RBFOX1: variants seen among roughly 807,000 people sequenced by gnomAD.
RBFOX1 encodes RNA binding fox-1 homolog 1.
In RBFOX1, 8 loss-of-function variants were observed where a neutral mutation model predicts 57.7. That is an observed-to-expected ratio of 0.14 (90% confidence interval 0.08 to 0.25). The LOEUF (loss-of-function observed/expected upper bound fraction) is 0.25, where lower values mean the gene tolerates loss of function less well. Ranked by LOEUF, RBFOX1 falls within the 10% of genes least tolerant of loss-of-function variation. The pLI, the probability that RBFOX1 is intolerant of heterozygous loss-of-function variation, is 1.00. For missense variants in RBFOX1, 611 were observed against 548.5 expected (o/e 1.11, Z -1.14); for synonymous variants, 326 against 222.4 (o/e 1.47, Z -4.15).
intron 1 of RBFOX1, among the ~76,000 whole-genome samples, chr16:6,301,599 G>A (rs888009275): frequency 7.9e-5 from 12 of 152,068 alleles, no homozygotes; most frequent in South Asian, 4.1e-4. Flanking sequence ...AAGGCTACCC[G>A]TGTCTGAGGA....
At chr16:7,388,020 C>T (rs571700998) in intron 4 of RBFOX1, among the ~76,000 whole-genome samples, 2 of 151,674 alleles carry the variant, frequency 1.3e-5, no homozygotes, top group Middle Eastern at 3.4e-3. Context: ...CAAAACAAAA[C>T]AAAATATCCT....
chr16:7,151,123 C>T (rs1226514532), intron 4 of RBFOX1, among the ~76,000 whole-genome samples: 1 of 152,128 alleles, frequency 6.6e-6, no homozygotes, highest in Non-Finnish European at 1.5e-5. Flanking sequence ...CTCCAACCAG[C>T]AATGTCCTAT....
At chr16:6,823,003 T>G (rs1228732683) in intron 3 of RBFOX1, among the ~76,000 whole-genome samples, 1 of 152,096 alleles carries the variant, frequency 6.6e-6, no homozygotes, top group Non-Finnish European at 1.5e-5. Context: ...GTAGATACTT[T>G]GCTTAGTACT....
chr16:5,660,275 C>T (rs2049602028), intron 3 of RBFOX1, among the ~76,000 whole-genome samples: 1 of 152,126 alleles, frequency 6.6e-6, no homozygotes, highest in Non-Finnish European at 1.5e-5. Context: ...GAATTTGGTG[C>T]AAACCCTAGA....
intron 4 of RBFOX1, among the ~76,000 whole-genome samples, chr16:7,224,040 G>T (rs1476314934): frequency 2.1e-5 from 3 of 141,824 alleles, no homozygotes; most frequent in African/African-American, 7.9e-5. Context: ...TTGTATTTAT[G>T]ACCTTTGGGA....
At chr16:5,429,203 C>T (rs2067655431) in intron 1 of RBFOX1, among the ~76,000 whole-genome samples, 1 of 152,178 alleles carries the variant, frequency 6.6e-6, no homozygotes, top group African/African-American at 2.4e-5. Context: ...ATGATCTATC[C>T]ACAGTAATCT....
At chr16:6,786,809 A>G (rs981031399) in intron 3 of RBFOX1, among the ~76,000 whole-genome samples, 1 of 152,224 alleles carries the variant, frequency 6.6e-6, no homozygotes, top group Non-Finnish European at 1.5e-5. Context: ...ATCGAGGGTC[A>G]TGGTCACAAT....
intron 1 of RBFOX1, among the ~76,000 whole-genome samples, chr16:5,256,233 T>A (rs898034036): frequency 2.0e-5 from 3 of 152,132 alleles, no homozygotes; most frequent in African/African-American, 7.2e-5. Flanking sequence ...GGGTAGTAGT[T>A]GGAGATCCCA....
At chr16:7,535,809 G>C (rs1440860816) in intron 5 of RBFOX1, among the ~76,000 whole-genome samples, 1 of 152,112 alleles carries the variant, frequency 6.6e-6, no homozygotes, top group East Asian at 1.9e-4. Context: ...ACTTTTTGAG[G>C]GTACCACTGT....
At chr16:7,434,938 C>T (rs1268997069) in intron 4 of RBFOX1, among the ~76,000 whole-genome samples, 2 of 152,088 alleles carry the variant, frequency 1.3e-5, no homozygotes, top group African/African-American at 2.4e-5. Context: ...TGGGGTTTCA[C>T]CGTGTTGGTG....
At chr16:6,745,704 A>T (rs1458001579) in intron 3 of RBFOX1, among the ~76,000 whole-genome samples, 2 of 152,234 alleles carry the variant, frequency 1.3e-5, no homozygotes, top group African/African-American at 2.4e-5. Flanking sequence ...TAATGAGGAA[A>T]TACTGGTGTT....
At chr16:6,142,172 C>A (rs1251177290) in intron 1 of RBFOX1, among the ~76,000 whole-genome samples, 1 of 118,714 alleles carries the variant, frequency 8.4e-6, no homozygotes, top group Non-Finnish European at 1.6e-5. Flanking sequence ...CTTCAGAGAT[C>A]CTTGTTGCTG....
chr16:5,439,541 G>A (rs972849048), intron 1 of RBFOX1, among the ~76,000 whole-genome samples: 4 of 152,050 alleles, frequency 2.6e-5, no homozygotes, highest in Non-Finnish European at 4.4e-5. Flanking sequence ...AGGTAGAACC[G>A]GGGAGACTTG....
chr16:6,886,342 G>A (rs942226925), intron 3 of RBFOX1, among the ~76,000 whole-genome samples: 13 of 152,012 alleles, frequency 8.6e-5, no homozygotes, highest in Admixed American at 5.2e-4. Context: ...GATTACTGGC[G>A]TGAGTCACTG....
chr16:7,112,337 G>C (rs148050024), intron 4 of RBFOX1, among the ~76,000 whole-genome samples: 1 of 151,800 alleles, frequency 6.6e-6, no homozygotes, highest in East Asian at 2.0e-4. Context: ...AAAGTATCTG[G>C]GACTACAGGC....
intron 4 of RBFOX1, among the ~76,000 whole-genome samples, chr16:7,063,348 G>C (rs1225187723): frequency 6.6e-6 from 1 of 152,044 alleles, no homozygotes; most frequent in African/African-American, 2.4e-5. Context: ...ATCTGTATCA[G>C]TATCAAAGAT....
intron 3 of RBFOX1, among the ~76,000 whole-genome samples, chr16:6,893,510 C>A (rs117888180): frequency 0.012 from 1,882 of 152,206 alleles, 22 homozygotes; most frequent in Non-Finnish European, 0.02. Context: ...ACAGCTGGGG[C>A]TCTATGCTGA....
intron 3 of RBFOX1, among the ~76,000 whole-genome samples, chr16:6,845,263 C>T (rs947687188): frequency 6.6e-6 from 1 of 151,878 alleles, no homozygotes; most frequent in East Asian, 1.9e-4. Flanking sequence ...TACCTGTGTC[C>T]TGAATGGTAT....
chr16:6,727,007 A>C (rs2067342831), intron 3 of RBFOX1, among the ~76,000 whole-genome samples: 1 of 147,826 alleles, frequency 6.8e-6, no homozygotes, highest in African/African-American at 2.5e-5. Flanking sequence ...AGAAATAATG[A>C]CATACGATGA....
Sources: allele counts gnomAD v4.1 joint callset (sites outside exome capture counted in the v4.1 genomes callset), GRCh38; gene constraint gnomAD v4.1.1; transcripts MANE v1.5; gene names NCBI Gene and HGNC (gene_info 2026-07-23, HGNC 2026-07-21).